Variants in ZNF3 observed in about 807,000 individuals in gnomAD.
The protein encoded by ZNF3 is zinc finger protein 3.
In ZNF3, 16 loss-of-function variants were observed where a neutral mutation model predicts 36.9. The observed-to-expected ratio is 0.43, with a 90% CI of 0.29 to 0.66. ZNF3 has a LOEUF of 0.66. Among genes scored for constraint, ZNF3 ranks in the 30% least tolerant of loss-of-function variants. The pLI is 0.13. For missense variants in ZNF3, 462 were observed against 543.1 expected, an observed-to-expected ratio of 0.85 and a Z score of 1.48; for synonymous variants, 201 against 201.9, an observed-to-expected ratio of 1.00 and a Z score of 0.04.
Position 100,071,883 on chromosome 7 carries a change from T to G in ZNF3, c.601A>C (p.Lys201Gln), listed in dbSNP as rs1295662851. 1.2e-6 allele frequency: 2 copies of G among 1,614,228 alleles called. No individual in the cohort carries two copies. The highest frequency in any genetic ancestry group is 1.7e-6 in the Non-Finnish European group (2 of 1,180,032). The change falls in exon 6 of 6, where the codon AAG becomes CAG. Residue 201 changes from lysine (K) to glutamine (Q), a missense_variant. Physicochemically the swap from Lys to Gln is moderately conservative, Grantham distance 53. Transcript: ENST00000299667. ...AAGCTCTTGCTACATTCATCACACT[T>G]ATGGGGTCTGTCTCCCACGGGGAGT... The part of the protein sequence containing the change: ...QRLPVGDRPH[K>Q]CDECSKSFNR...
At chr7:100,075,990 G>A (rs541915622) in intron 3 of ZNF3, among the ~76,000 whole-genome samples, 9 of 151,752 alleles carry the variant, frequency 5.9e-5, no homozygotes, top group East Asian at 5.8e-4. Context: ...ATATGATCCC[G>A]CTCTTGCATG....
chr7:100,075,485 T>A (rs1419660277), intron 4 of ZNF3, 57 bp downstream of exon 4: 1 of 1,597,462 alleles, frequency 6.3e-7, no homozygotes. Context: ...AAGCTCTGAA[T>A]GGGATGTCAT....
At chr7:100,064,425 C>T in exon 6 of ZNF3, 6 of 1,614,144 alleles carry the variant, frequency 3.7e-6, no homozygotes, top group Non-Finnish European at 5.1e-6. Context: ...AGAGACTCCA[C>T]ACCGGAGAGA....
chr7:100,069,625 T>C (rs995249865), downstream of ZNF3, among the ~76,000 whole-genome samples: 9 of 152,150 alleles, frequency 5.9e-5, no homozygotes, highest in African/African-American at 2.2e-4. Flanking sequence ...CTTGTCTTTT[T>C]TTTTTGAGAT....
At chr7:100,077,474 AAAC>A (rs1183801102) in intron 2 of ZNF3, 41 bp from the exon 3 acceptor site, 1 of 1,556,278 alleles carries the variant, frequency 6.4e-7, no homozygotes, top group Non-Finnish European at 8.7e-7. Context: ...TAATTCAAAA[AAAC>A]CTCCTGAATA....
At position 100,081,109 on chromosome 7, in the gene ZNF3, G is replaced by T. The variant is rs192112526; in HGVS notation, c.-198+526C>A. Among the ~76,000 whole-genome samples, 30 of 152,254 alleles carry T rather than the reference G, an allele frequency of 2.0e-4. No homozygotes were observed. Among genetic ancestry groups the T allele is most frequent in the Non-Finnish European group, 2.6e-4 (18 of 68,022 alleles). ...ACGGAGCCTGAGCCAGGTGTATCACGCGATGCACTGGGCTCCAGCAGGATT... is the reference window on the plus strand; with the variant it reads ...ACGGAGCCTGAGCCAGGTGTATCACTCGATGCACTGGGCTCCAGCAGGATT... On this transcript the variant is annotated intron_variant, in intron 1 of 5. Transcript: ENST00000299667. This position sits in a 1 kb window ranked among gnomAD's most constrained non-coding sequence, Gnocchi z 4.3.
rs1793136240 is a variant in ZNF3 at position 100,071,460 on chromosome 7, A to C, written c.1024T>G (p.Cys342Gly). ...RIHTGEKPYE[C>G]NECGKAFSQS... ...CTGAAGGCTTTCCCACATTCATTACATTCATAGGGTTTTTCTCCAGTGTGG... is the reference window on the plus strand; with the variant it reads ...CTGAAGGCTTTCCCACATTCATTACCTTCATAGGGTTTTTCTCCAGTGTGG... Residue 342 changes from cysteine to glycine, a missense_variant, in exon 6 of 6, where the codon TGT (cysteine) becomes GGT (glycine). By Grantham distance (159) the Cys-to-Gly change is radical. Coordinates refer to ENST00000299667, the MANE Select transcript of ZNF3 (RefSeq NM_032924.5). 1 of 1,613,984 alleles carries C rather than the reference A, an allele frequency of 6.2e-7. No individual in the cohort carries two copies. The highest frequency in any genetic ancestry group is 1.7e-5 in the Admixed American group (1 of 59,988).
intron 4 of ZNF3, 70 bp downstream of exon 4, chr7:100,075,472 T>C: frequency 6.3e-7 from 1 of 1,585,344 alleles, no homozygotes. Flanking sequence ...AGATCAGGGT[T>C]TAAAGCTCTG....
chr7:100,069,236 G>A (rs1313755364), downstream of ZNF3, among the ~76,000 whole-genome samples: 1 of 151,956 alleles, frequency 6.6e-6, no homozygotes, highest in Admixed American at 6.6e-5. Flanking sequence ...GGGATTATAA[G>A]CATGAGCCAC....
In ZNF3 at chr7:100,070,793, G is replaced by T; in HGVS notation, c.*350C>A. ...TTCCACTGCTGTCTGTGCTGACTAC[G>T]CGGACTCCAACTAAAGGAATCCATC... On this transcript the variant is annotated 3_prime_UTR_variant, in exon 6 of 6. Transcript: ENST00000299667. 9.4e-7 allele frequency: 1 copy of T among 1,060,976 alleles called. No homozygotes were observed. Among genetic ancestry groups the T allele is most frequent in the Non-Finnish European group, 1.1e-6 (1 of 876,808 alleles). The allele number at this position is 1,060,976 out of a possible 1,614,324, so 65.7% of individuals were successfully genotyped here.
intron 5 of ZNF3, among the ~76,000 whole-genome samples, chr7:100,073,214 A>C (rs1162843276): frequency 2.0e-5 from 3 of 152,162 alleles, no homozygotes; most frequent in Non-Finnish European, 4.4e-5. Context: ...GACAGAAGGG[A>C]AATGTACAGG....
Position 100,071,174 on chromosome 7 carries a change from G to C in ZNF3, c.1310C>G (p.Thr437Arg), listed in dbSNP as rs774181879. ...GGACTCTCTGATATTTAACTCGGTCGTAACTCTGAGGGAGCTTTTGCTCAT... is the reference window on the plus strand; with the variant it reads ...GGACTCTCTGATATTTAACTCGGTCCTAACTCTGAGGGAGCTTTTGCTCAT... The part of the protein sequence containing the change: ...IGMSKSSLRV[T>R]TELNIREST The change falls in exon 6 of 6, where the codon ACG becomes AGG. Residue 437 changes from threonine (T) to arginine (R), a missense_variant. Physicochemically the swap from Thr to Arg is moderately conservative, Grantham distance 71 (BLOSUM62 -1). Transcript: ENST00000299667. 3 of 1,605,164 alleles carry C rather than the reference G, an allele frequency of 1.9e-6. No homozygotes were observed. Among genetic ancestry groups the C allele is most frequent in the African/African-American group, 1.3e-5 (1 of 74,542 alleles).
At chr7:100,063,926 TTGAAAA>T (rs775011503), downstream of ZNF3, 17 of 1,613,866 alleles carry the variant, frequency 1.1e-5, no homozygotes, top group African/African-American at 9.3e-5. Flanking sequence ...TGCGTAAACC[TTGAAAA>T]TGAAAAAGGA....
In ZNF3 at chr7:100,071,016, T is replaced by G. The variant is rs1793042043; in HGVS notation, c.*127A>C. 2 of 1,486,056 alleles carry G rather than the reference T, an allele frequency of 1.3e-6. No homozygotes were observed. Among genetic ancestry groups the G allele is most frequent in the Admixed American group, 4.8e-5 (2 of 41,560 alleles). The allele number at this position is 1,486,056 out of a possible 1,614,324, so 92.1% of individuals were successfully genotyped here. ...TGGGAAAATTCAACGATTTGCCCCA[T>G]CTGCCCCATTCTCTAAAATGAAAAG... On this transcript the variant is annotated 3_prime_UTR_variant, in exon 6 of 6. Coordinates refer to ENST00000299667, the MANE Select transcript of ZNF3 (RefSeq NM_032924.5).
At position 100,071,391 on chromosome 7, in the gene ZNF3, C is replaced by G; in HGVS notation, c.1093G>C (p.Glu365Gln). The G allele has an allele frequency of 6.2e-7, 1 of 1,614,242 alleles. No homozygotes were observed. The highest frequency in any genetic ancestry group is 8.5e-7 in the Non-Finnish European group (1 of 1,180,048). The change falls in exon 6 of 6, where the codon GAG becomes CAG. Residue 365 changes from glutamate to glutamine, a missense_variant. Glu to Gln is a conservative substitution (Grantham distance 29). Coordinates refer to ENST00000299667, the MANE Select transcript of ZNF3 (RefSeq NM_032924.5). The part of the protein sequence containing the change: ...LYQHQRIHTG[E>Q]KPYECMECGG... ...CATTCCATACATTCGTAGGGCTTCT[C>G]TCCAGTGTGGATTCTCTGGTGCTGA...
exon 6 of ZNF3, chr7:100,064,390 C>T (rs777287608): frequency 6.2e-7 from 1 of 1,614,042 alleles, no homozygotes; most frequent in Non-Finnish European, 8.5e-7. Flanking sequence ...GAGCTTCAGT[C>T]AGCATGCGGG....
chr7:100,064,268 C>T (rs761311588), exon 6 of ZNF3: 16 of 1,613,922 alleles, frequency 9.9e-6, no homozygotes, highest in East Asian at 2.2e-5. Context: ...ACAGAAGAGG[C>T]GCCATATCAG....
intron 3 of ZNF3, among the ~76,000 whole-genome samples, chr7:100,075,980 A>G (rs971704251): frequency 1.3e-5 from 2 of 151,414 alleles, no homozygotes; most frequent in Non-Finnish European, 2.9e-5. Context: ...GGCCAGAAAC[A>G]TATGATCCCG....
chr7:100,072,915 G>C (rs1015725006), intron 5 of ZNF3, among the ~76,000 whole-genome samples: 4 of 152,252 alleles, frequency 2.6e-5, no homozygotes, highest in Admixed American at 1.3e-4. Context: ...GGTCCAGAGA[G>C]TTTGCGTTTT....
Sources: allele counts gnomAD v4.1 joint callset (sites outside exome capture counted in the v4.1 genomes callset), GRCh38; gene constraint gnomAD v4.1.1; non-coding constraint Gnocchi (gnomAD v3.1); transcripts MANE v1.5; gene names NCBI Gene and HGNC (gene_info 2026-07-23, HGNC 2026-07-21).